AAK1: variants seen among roughly 807,000 people sequenced by gnomAD.
AAK1 encodes the protein AP2 associated kinase 1.
In AAK1, 37 loss-of-function variants were observed where a neutral mutation model predicts 116.0. The ratio of observed to expected loss-of-function variants is 0.32; its 90% confidence interval spans 0.25 to 0.42. The LOEUF is 0.42. AAK1 is among the 10% of genes least tolerant of loss of function. AAK1 has a pLI of 1.00. For missense variants in AAK1, 919 were observed against 1,170.6 expected (o/e 0.79, Z 3.14); for synonymous variants, 458 against 439.9 (o/e 1.04, Z -0.51).
chr2:69,504,471 A>C (rs1484936553), intron 16 of AAK1, among the ~76,000 whole-genome samples: 1 of 147,860 alleles, frequency 6.8e-6, no homozygotes, highest in African/African-American at 2.5e-5. Context: ...AGAGTGTACA[A>C]AATTGTGGTC....
intron 2 of AAK1, among the ~76,000 whole-genome samples, chr2:69,573,406 AC>A (rs1672166168): frequency 6.6e-6 from 1 of 152,220 alleles, no homozygotes; most frequent in Non-Finnish European, 1.5e-5. Context: ...AGGGAATCCC[AC>A]CTGACCTGGA....
intron 17 of AAK1, among the ~76,000 whole-genome samples, chr2:69,494,562 T>G (rs1675664611): frequency 6.6e-6 from 1 of 152,120 alleles, no homozygotes; most frequent in Non-Finnish European, 1.5e-5. Context: ...ATCACCTCTT[T>G]CCCTTGTCTG....
At chr2:69,514,332 A>C in intron 13 of AAK1, 139 bp downstream of exon 13, 1 of 1,126,642 alleles carries the variant, frequency 8.9e-7, no homozygotes, top group South Asian at 1.7e-5. Context: ...ATATCAAGGA[A>C]AGATCAAATA....
intron 2 of AAK1, among the ~76,000 whole-genome samples, chr2:69,560,532 T>C (rs1671590030): frequency 6.6e-6 from 1 of 152,208 alleles, no homozygotes; most frequent in African/African-American, 2.4e-5. Flanking sequence ...ATCTCATCTG[T>C]GAATCTATTG....
intron 2 of AAK1, among the ~76,000 whole-genome samples, chr2:69,573,084 G>C (rs904280242): frequency 6.6e-6 from 1 of 152,110 alleles, no homozygotes; most frequent in Non-Finnish European, 1.5e-5. Context: ...AACCAAATGA[G>C]TATAAACTCA....
intron 2 of AAK1, among the ~76,000 whole-genome samples, chr2:69,626,288 C>A (rs961156016): frequency 2.6e-5 from 4 of 151,314 alleles, no homozygotes; most frequent in African/African-American, 9.7e-5. Flanking sequence ...ATAATAAATT[C>A]TGCCCTGATT....
chr2:69,579,273 G>A (rs1000836313), intron 2 of AAK1, among the ~76,000 whole-genome samples: 1 of 152,042 alleles, frequency 6.6e-6, no homozygotes, highest in African/African-American at 2.4e-5. Context: ...CTTTTCACTG[G>A]TGACATTCTT....
In AAK1 at chr2:69,509,292, C is replaced by A; in HGVS notation, c.1945G>T (p.Ala649Ser). 1 of 1,613,974 alleles carries A rather than the reference C, an allele frequency of 6.2e-7. No individual in the cohort carries two copies. The highest frequency in any genetic ancestry group is 8.5e-7 in the Non-Finnish European group (1 of 1,179,892). The change falls in exon 14 of 22, where the codon GCC becomes TCC. Residue 649 changes from alanine (A) to serine (S), a missense_variant. Physicochemically the swap from Ala to Ser is moderately conservative, Grantham distance 99. Coordinates refer to ENST00000409085, the MANE Select transcript of AAK1 (RefSeq NM_014911.5). The stretch of plus-strand genomic sequence containing the variant: ...TGGAGCAGCTGGGTTGATTTGCTGG[C>A]AGGGACCCCAAAGACTGCACTGTGG... ...VTHSAVFGVP[A>S]SKSTQLLQAA...
chr2:69,461,498 C>CAA lies in AAK1; in HGVS notation c.*14370_*14371insTT. 1 of 207,430 alleles carries CAA rather than the reference C, an allele frequency of 4.8e-6. No homozygotes were observed. Among genetic ancestry groups the CAA allele is most frequent in the Non-Finnish European group, 9.3e-6 (1 of 107,378 alleles). The allele number at this position is 207,430 out of a possible 1,614,324, so 12.8% of individuals were successfully genotyped here. On this transcript the variant is annotated 3_prime_UTR_variant, in exon 22 of 22. Transcript: ENST00000409085. ...CAAGTCAAAGTTTTTTCATGCATCA[C>CAA]CAAAAAAAAAAAAAAAAGTAATTTG...
chr2:69,475,774 A>T lies in AAK1; in HGVS notation c.*95T>A. On this transcript the variant is annotated 3_prime_UTR_variant, in exon 22 of 22. Coordinates refer to ENST00000409085, the MANE Select transcript of AAK1 (RefSeq NM_014911.5). ...GGGCTGGAGGGCCCCTTATTTGCAGATTTTTTTAAAAAAATCATTTTTTTC... is the reference window on the plus strand; with the variant it reads ...GGGCTGGAGGGCCCCTTATTTGCAGTTTTTTTTAAAAAAATCATTTTTTTC... 6.7e-7 allele frequency: 1 copy of T among 1,498,530 alleles called. No homozygotes were observed. Among genetic ancestry groups the T allele is most frequent in the Non-Finnish European group, 9.0e-7 (1 of 1,114,526 alleles). The allele number at this position is 1,498,530 out of a possible 1,614,324, so 92.8% of individuals were successfully genotyped here. A position where few individuals can be genotyped will look rare whatever the true frequency, so the allele number is the denominator to read the frequency against.
intron 21 of AAK1, among the ~76,000 whole-genome samples, 157 bp downstream of exon 21, chr2:69,476,723 T>C (rs1463683664): frequency 6.6e-6 from 1 of 152,200 alleles, no homozygotes; most frequent in African/African-American, 2.4e-5. Context: ...TACCTATCTC[T>C]ATCTATCTCT....
chr2:69,582,983 A>G (rs1257593659), intron 2 of AAK1, among the ~76,000 whole-genome samples: 2 of 152,182 alleles, frequency 1.3e-5, no homozygotes, highest in Non-Finnish European at 2.9e-5. Flanking sequence ...TGCCACAGCC[A>G]CAGAACTCCT....
chr2:69,525,214 A>G, intron 9 of AAK1, 102 bp from the exon 10 acceptor site: 1 of 1,202,648 alleles, frequency 8.3e-7, no homozygotes, highest in Non-Finnish European at 1.2e-6. Context: ...ATGGAAACAC[A>G]TTTTGGGATC....
At chr2:69,520,358 C>CT (rs71397334) in intron 11 of AAK1, among the ~76,000 whole-genome samples, 17,644 of 127,378 alleles carry the variant, frequency 0.14, 2,035 homozygotes, top group African/African-American at 0.29. Context: ...CAATTCTTTT[C>CT]TTTTTTTTTT....
chr2:69,572,128 T>C (rs762105911), intron 2 of AAK1, among the ~76,000 whole-genome samples: 7 of 152,138 alleles, frequency 4.6e-5, no homozygotes, highest in Non-Finnish European at 1.0e-4. Context: ...GGGGAAAACT[T>C]ACTCCACCTT....
intron 17 of AAK1, among the ~76,000 whole-genome samples, chr2:69,487,876 G>A (rs573931660): frequency 4.8e-5 from 7 of 145,600 alleles, no homozygotes; most frequent in South Asian, 2.2e-4. Context: ...TGCAACCTCC[G>A]CCTCCTAGGT....
In AAK1 at chr2:69,514,582, C is replaced by T; in HGVS notation, c.1665G>A (p.Gln555=). 1 of 1,577,522 alleles carries T rather than the reference C, an allele frequency of 6.3e-7. No individual in the cohort carries two copies. The highest frequency in any genetic ancestry group is 8.6e-7 in the Non-Finnish European group (1 of 1,161,572). Residue 555 remains glutamine, a synonymous_variant, in exon 13 of 22, where the codon CAG becomes CAA. Transcript: ENST00000409085. ...QQLATALHQQ[Q]LMTQQAALQQ... is the part of the protein sequence containing the mutation. ...GCAAGGCAGCCTGCTGAGTCATCAG[C>T]TGTTGTTGATGCAGGGCTGTGGCCA...
chr2:69,551,543 T>G (rs1444738778), intron 3 of AAK1, among the ~76,000 whole-genome samples: 1 of 152,146 alleles, frequency 6.6e-6, no homozygotes, highest in Non-Finnish European at 1.5e-5. Flanking sequence ...TCGAAGCAAA[T>G]CCTCAAACAT....
At chr2:69,615,161 A>G (rs1674267928) in intron 2 of AAK1, among the ~76,000 whole-genome samples, 1 of 152,162 alleles carries the variant, frequency 6.6e-6, no homozygotes, top group Non-Finnish European at 1.5e-5. Flanking sequence ...TTTCACTTAC[A>G]TAGTCTACCA....
Sources: allele counts gnomAD v4.1 joint callset (sites outside exome capture counted in the v4.1 genomes callset), GRCh38; gene constraint gnomAD v4.1.1; transcripts MANE v1.5; gene names NCBI Gene and HGNC (gene_info 2026-07-23, HGNC 2026-07-21).